The following SLC8A1 variants were observed in gnomAD, a reference collection of about 807,000 sequenced individuals.
SLC8A1 encodes the protein solute carrier family 8 member A1, also known as sodium/calcium exchanger 1.
SLC8A1 carries 18 observed loss-of-function variants against 68.3 expected under a neutral mutation model. The observed-to-expected ratio is 0.26, with a 90% confidence interval of 0.18 to 0.39. The LOEUF is 0.39. SLC8A1 is among the 10% of genes least tolerant of loss of function. SLC8A1 has a pLI of 1.00. For synonymous variants in SLC8A1, 475 were observed against 415.5 expected (o/e 1.14, Z -1.74); for missense variants, 985 against 1,156.7 (o/e 0.85, Z 2.15).
chr2:40,445,685 TTC>T (rs1181354461), intron 1 of SLC8A1, among the ~76,000 whole-genome samples: 1 of 152,178 alleles, frequency 6.6e-6, no homozygotes, highest in African/African-American at 2.4e-5. Flanking sequence ...TAAAAAGAAC[TTC>T]TGACAGCTAG....
intron 2 of SLC8A1, among the ~76,000 whole-genome samples, chr2:40,391,267 G>T (rs954428308): frequency 6.6e-6 from 1 of 151,574 alleles, no homozygotes; most frequent in Admixed American, 6.6e-5. Context: ...ATTCCATTCT[G>T]GGAGAAAGAC....
chr2:40,455,858 A>G (rs1576604569), upstream of SLC8A1, among the ~76,000 whole-genome samples: 1 of 152,180 alleles, frequency 6.6e-6, no homozygotes, highest in Non-Finnish European at 1.5e-5. Context: ...CTACTGCACA[A>G]CAGTCCACAG....
chr2:40,428,510 T>C, exon 2 of SLC8A1: 4 of 1,610,662 alleles, frequency 2.5e-6, no homozygotes, highest in East Asian at 2.2e-5. Context: ...TCTCCACAAG[T>C]GTCCTCAAAA....
At chr2:40,481,777 T>C (rs991460375) in intron 1 of SLC8A1, among the ~76,000 whole-genome samples, 6 of 152,220 alleles carry the variant, frequency 3.9e-5, no homozygotes, top group Admixed American at 3.9e-4. Context: ...GTTCTTCATG[T>C]CTCCATCGTT....
chr2:40,378,079 G>C (rs1680506821), intron 2 of SLC8A1, among the ~76,000 whole-genome samples: 1 of 151,984 alleles, frequency 6.6e-6, no homozygotes, highest in Non-Finnish European at 1.5e-5. Context: ...TCTAGGAGCT[G>C]GTGATAAATC....
intron 3 of SLC8A1, among the ~76,000 whole-genome samples, chr2:40,175,541 T>C (rs914882505): frequency 3.9e-5 from 6 of 152,104 alleles, no homozygotes; most frequent in African/African-American, 7.2e-5. Context: ...TTTCACCTTA[T>C]ATATAATTTC....
At chr2:40,404,255 T>C (rs1689648861) in intron 2 of SLC8A1, among the ~76,000 whole-genome samples, 1 of 152,190 alleles carries the variant, frequency 6.6e-6, no homozygotes, top group African/African-American at 2.4e-5. Flanking sequence ...GGCTTCTTTG[T>C]ACACAAATCT....
rs1022075889 is a variant in SLC8A1, at chr2:40,344,323, T to C, written c.1808+84150A>G. Among the ~76,000 whole-genome samples the C allele has an allele frequency of 4.6e-5, 7 of 152,272 alleles. No homozygotes were observed. In the East Asian group the frequency reaches 7.7e-4, roughly 17 times the overall value. ...TTTTTTGCATGATTCTTTTAAGGTG[T>C]CAAGCACTGGGTCTATGACAATGTA... On this transcript the variant is annotated intron_variant, in intron 2 of 7. Coordinates refer to ENST00000406785, the Ensembl canonical transcript of SLC8A1.
At chr2:40,447,142 G>T (rs1190748987) in intron 1 of SLC8A1, among the ~76,000 whole-genome samples, 1 of 152,090 alleles carries the variant, frequency 6.6e-6, no homozygotes, top group Non-Finnish European at 1.5e-5. Flanking sequence ...TCTATTACAT[G>T]TACAAGAAAC....
intron 2 of SLC8A1, among the ~76,000 whole-genome samples, chr2:40,357,488 C>A (rs1280796314): frequency 4.6e-5 from 6 of 129,386 alleles, no homozygotes; most frequent in Admixed American, 1.8e-4. Flanking sequence ...CAGAGCCAGA[C>A]CCTGTCTTTA....
chr2:40,434,701 A>C (rs1699051157), intron 1 of SLC8A1, among the ~76,000 whole-genome samples: 1 of 152,176 alleles, frequency 6.6e-6, no homozygotes, highest in Non-Finnish European at 1.5e-5. Flanking sequence ...TACATCATGA[A>C]ATGAGACTTT....
intron 7 of SLC8A1, chr2:40,123,102 A>C (rs2037285295): frequency 6.6e-6 from 1 of 152,208 alleles, no homozygotes; most frequent in African/African-American, 2.4e-5. Flanking sequence ...AGACTCCACT[A>C]CACACACCTA....
At chr2:40,322,908 G>A (rs1452943071) in intron 2 of SLC8A1, among the ~76,000 whole-genome samples, 2 of 151,492 alleles carry the variant, frequency 1.3e-5, no homozygotes, top group African/African-American at 4.9e-5. Context: ...CTCTCTGGTA[G>A]GTTTTATAAT....
upstream of SLC8A1, among the ~76,000 whole-genome samples, chr2:40,454,648 C>T (rs1021111867): frequency 6.6e-6 from 1 of 152,130 alleles, no homozygotes; most frequent in Non-Finnish European, 1.5e-5. Context: ...GGAGAGGCAG[C>T]CTAGTGCCTA....
chr2:40,194,506 T>TGTGTGTGTGTGTGCGC (rs963279052), intron 2 of SLC8A1, among the ~76,000 whole-genome samples: 1 of 131,824 alleles, frequency 7.6e-6, no homozygotes, highest in African/African-American at 2.7e-5. Flanking sequence ...TGTGTGTGTG[T>TGTGTGTGTGTGTGCGC]GCGCGCGCAA....
chr2:40,243,351 T>G (rs1156880476), intron 2 of SLC8A1, among the ~76,000 whole-genome samples: 2 of 151,990 alleles, frequency 1.3e-5, no homozygotes, highest in Admixed American at 1.3e-4. Context: ...AAACTGGGCA[T>G]GGTAGTGTCT....
At chr2:40,184,025 A>C (rs150852280) in intron 2 of SLC8A1, among the ~76,000 whole-genome samples, 1 of 152,100 alleles carries the variant, frequency 6.6e-6, no homozygotes, top group African/African-American at 2.4e-5. Flanking sequence ...CATGCAAAAA[A>C]AACCAGATGG....
chr2:40,195,254 T>G (rs556247192), intron 2 of SLC8A1, among the ~76,000 whole-genome samples: 1 of 152,244 alleles, frequency 6.6e-6, no homozygotes, highest in African/African-American at 2.4e-5. Context: ...ACACATGTGA[T>G]ATGCAGAAAT....
intron 2 of SLC8A1, among the ~76,000 whole-genome samples, chr2:40,187,652 A>C (rs565969248): frequency 3.0e-4 from 45 of 149,370 alleles, no homozygotes; most frequent in African/African-American, 1.1e-3. Flanking sequence ...GATTTTAGCA[A>C]TCAATTGTCA....
Sources: allele counts gnomAD v4.1 joint callset (sites outside exome capture counted in the v4.1 genomes callset), GRCh38; gene constraint gnomAD v4.1.1; transcripts MANE v1.5; gene names NCBI Gene and HGNC (gene_info 2026-07-23, HGNC 2026-07-21).